The following CADM1 variants were observed in gnomAD, a reference collection of about 807,000 sequenced individuals.
CADM1 encodes the protein cell adhesion molecule 1.
CADM1 carries 15 observed loss-of-function variants against 53.1 expected under a neutral mutation model. That is an observed-to-expected ratio of 0.28 (90% CI 0.19 to 0.44). The LOEUF (loss-of-function observed/expected upper bound fraction) is 0.44, where lower values mean the gene tolerates loss of function less well. Among genes scored for constraint, CADM1 ranks in the 20% least tolerant of loss-of-function variants. The pLI, the probability that CADM1 is intolerant of heterozygous loss-of-function variation, is 1.00. For synonymous variants in CADM1, 281 were observed against 243.0 expected, an observed-to-expected ratio of 1.16 and a Z score of -1.45; for missense variants, 434 against 611.3, an observed-to-expected ratio of 0.71 and a Z score of 3.06.
intron 8 of CADM1, among the ~76,000 whole-genome samples, chr11:115,201,900 T>C (rs1382422178): frequency 1.3e-5 from 2 of 152,136 alleles, no homozygotes; most frequent in Admixed American, 1.3e-4. Context: ...AACAATCCCA[T>C]CTTCTTGAAA....
chr11:115,248,203 T>C (rs2134957590), intron 1 of CADM1, among the ~76,000 whole-genome samples: 1 of 152,326 alleles, frequency 6.6e-6, no homozygotes, highest in South Asian at 2.1e-4. Context: ...AGGATGGGTA[T>C]CTCTTGTGAA....
chr11:115,405,728 C>T (rs1466123804), intron 1 of CADM1, among the ~76,000 whole-genome samples: 1 of 152,180 alleles, frequency 6.6e-6, no homozygotes, highest in African/African-American at 2.4e-5. Context: ...AATACAACAG[C>T]ATAACAGCAT....
chr11:115,364,854 G>A (rs1293554899), intron 1 of CADM1, among the ~76,000 whole-genome samples: 1 of 152,122 alleles, frequency 6.6e-6, no homozygotes, highest in Non-Finnish European at 1.5e-5. Context: ...ACTTATTAAT[G>A]TTGGCGTGTA....
intron 1 of CADM1, 41 bp downstream of exon 1, chr11:115,504,230 T>C: frequency 6.4e-7 from 1 of 1,560,648 alleles, no homozygotes; most frequent in East Asian, 2.4e-5. Context: ...CTGGGGTGCC[T>C]TCGGAGATTT....
At chr11:115,431,546 T>C (rs1421040825) in intron 1 of CADM1, among the ~76,000 whole-genome samples, 1 of 152,146 alleles carries the variant, frequency 6.6e-6, no homozygotes. Flanking sequence ...CCTCAAAGGC[T>C]TCTTATAACT....
At chr11:115,340,721 C>T (rs1458141323) in intron 1 of CADM1, among the ~76,000 whole-genome samples, 5 of 126,024 alleles carry the variant, frequency 4.0e-5, no homozygotes, top group Admixed American at 1.9e-4. Flanking sequence ...AGTGTAGTGG[C>T]GCAACTTTGG....
chr11:115,413,658 T>TTTTTTTTTTTTTTTTC (rs1947515961), intron 1 of CADM1, among the ~76,000 whole-genome samples: 1 of 150,306 alleles, frequency 6.7e-6, no homozygotes, highest in African/African-American at 2.4e-5. Flanking sequence ...TTTTTTTTTT[T>TTTTTTTTTTTTTTTTC]CTCTGAGACA....
intron 1 of CADM1, among the ~76,000 whole-genome samples, chr11:115,387,983 G>A (rs1217491804): frequency 6.6e-6 from 1 of 151,964 alleles, no homozygotes; most frequent in East Asian, 1.9e-4. Context: ...ACAGGGCTAG[G>A]GCAGGGAAAG....
chr11:115,417,743 T>C (rs1565417066), intron 1 of CADM1, among the ~76,000 whole-genome samples: 1 of 152,288 alleles, frequency 6.6e-6, no homozygotes. Context: ...CATTTAAAAT[T>C]TATAAATTGT....
intron 1 of CADM1, among the ~76,000 whole-genome samples, chr11:115,369,407 G>A (rs1040544598): frequency 3.9e-5 from 6 of 152,186 alleles, no homozygotes; most frequent in Non-Finnish European, 8.8e-5. Flanking sequence ...AACTGGGCAT[G>A]TAAGATTTTA....
chr11:115,406,418 A>G (rs1173131584), intron 1 of CADM1, among the ~76,000 whole-genome samples: 2 of 151,406 alleles, frequency 1.3e-5, no homozygotes, highest in African/African-American at 4.8e-5. Flanking sequence ...GATTAAACTA[A>G]CAAAATCCCA....
At chr11:115,381,007 A>G (rs1946561349) in intron 1 of CADM1, among the ~76,000 whole-genome samples, 1 of 152,150 alleles carries the variant, frequency 6.6e-6, no homozygotes, top group African/African-American at 2.4e-5. Flanking sequence ...CCTTAAAAAT[A>G]AGGTGGTAAC....
intron 1 of CADM1, among the ~76,000 whole-genome samples, chr11:115,469,539 T>C (rs1013533890): frequency 6.6e-6 from 1 of 152,184 alleles, no homozygotes; most frequent in African/African-American, 2.4e-5. Flanking sequence ...GACATGAAAC[T>C]GTAAATTGTC....
chr11:115,488,383 C>T (rs1949423028), intron 1 of CADM1, among the ~76,000 whole-genome samples: 1 of 152,186 alleles, frequency 6.6e-6, no homozygotes, highest in Non-Finnish European at 1.5e-5. Flanking sequence ...CCTCCTCCCC[C>T]TCCCAATAAT....
intron 1 of CADM1, among the ~76,000 whole-genome samples, chr11:115,373,508 C>T (rs1946360018): frequency 7.0e-6 from 1 of 141,996 alleles, no homozygotes; most frequent in African/African-American, 2.6e-5. Flanking sequence ...TTGCATGAAC[C>T]TGGGAGGTGG....
intron 1 of CADM1, among the ~76,000 whole-genome samples, chr11:115,380,138 C>T (rs767998885): frequency 9.9e-5 from 15 of 152,162 alleles, no homozygotes; most frequent in Non-Finnish European, 1.9e-4. Context: ...AATACAGTTC[C>T]TCTATTTCCT....
rs1233109222 is a variant in CADM1 at position 115,404,343 on chromosome 11, AAAAATATATATATATATATAT to A, written c.124+99907_124+99927del. ...TCTGTCTCGGAAAAAAAAAAAAAAAAAAAATATATATATATATATATATATATATATATATATATATATATG... is the reference window on the plus strand; with the variant it reads ...TCTGTCTCGGAAAAAAAAAAAAAAAAATATATATATATATATATATATATG... On this transcript the variant is annotated intron_variant, in intron 1 of 11. Coordinates refer to ENST00000331581, the MANE Select transcript of CADM1 (RefSeq NM_001301043.2). Among the ~76,000 whole-genome samples the A allele has an allele frequency of 1.8e-3, 70 of 39,882 alleles. 4 individuals carry two copies. The highest frequency in any genetic ancestry group is 5.1e-3 in the African/African-American group (63 of 12,236). 26.2% of individuals were successfully genotyped at this position (39,882 alleles called of 152,430 possible).
intron 11 of CADM1, among the ~76,000 whole-genome samples, chr11:115,177,798 G>A (rs1939108018): frequency 6.6e-6 from 1 of 152,058 alleles, no homozygotes; most frequent in Non-Finnish European, 1.5e-5. Flanking sequence ...CAGGCACTCT[G>A]TATCCTAAAG....
chr11:115,332,700 T>C (rs1458929964), intron 1 of CADM1, among the ~76,000 whole-genome samples: 1 of 152,154 alleles, frequency 6.6e-6, no homozygotes, highest in Non-Finnish European at 1.5e-5. Context: ...AACCCATCCT[T>C]TGCTTGACGC....
Sources: gnomAD v4.1 joint callset for allele counts (sites outside exome capture counted in the v4.1 genomes callset) on GRCh38, gnomAD v4.1.1 for gene constraint, MANE v1.5 for transcripts, NCBI Gene and HGNC (gene_info 2026-07-23, HGNC 2026-07-21) for gene names.